Variants in TGIF1 observed in about 807,000 individuals in gnomAD.
The protein encoded by TGIF1 is TGFB induced factor homeobox 1.
Under a neutral mutation model 19.3 loss-of-function variants are expected in TGIF1, and 4 were observed. The observed-to-expected ratio is 0.21, with a 90% CI of 0.10 to 0.47. The LOEUF (loss-of-function observed/expected upper bound fraction) is 0.47, where lower values mean the gene tolerates loss of function less well. TGIF1 is among the 20% of genes least tolerant of loss of function. The pLI is 0.98. For missense variants in TGIF1, 275 were observed against 341.4 expected, an observed-to-expected ratio of 0.81 and a Z score of 1.53; for synonymous variants, 122 against 129.3, an observed-to-expected ratio of 0.94 and a Z score of 0.38.
At position 3,451,348 on chromosome 18, in the gene TGIF1, G is replaced by A. The variant is rs2082918981; in HGVS notation, c.16+843G>A. 1.0e-6 allele frequency: 1 copy of A among 985,078 alleles called. No individual in the cohort carries two copies. The highest frequency in any genetic ancestry group is 1.8e-5 in the African/African-American group (1 of 57,092). The allele number at this position is 985,078 out of a possible 1,614,324, so 61.0% of individuals were successfully genotyped here. A position where few individuals can be genotyped will look rare whatever the true frequency, so the allele number is the denominator to read the frequency against. On this transcript the variant is annotated intron_variant, in intron 1 of 2. Transcript: ENST00000343820. The surrounding 1 kb of genome is among the most constrained non-coding windows in gnomAD (Gnocchi z 5.4). ...GTTTAAAAACAAAATACACCGGAGG[G>A]GGACGGGGGGTGGAGAAACCACACA...
At chr18:3,429,807 G>A (rs2082523061) in intron 2 of TGIF1, among the ~76,000 whole-genome samples, 1 of 152,348 alleles carries the variant, frequency 6.6e-6, no homozygotes, top group South Asian at 2.1e-4. Context: ...TAACTTCTGA[G>A]AAACAATCAC....
At chr18:3,445,268 C>A (rs977792873), upstream of TGIF1, among the ~76,000 whole-genome samples, 9 of 152,062 alleles carry the variant, frequency 5.9e-5, no homozygotes, top group African/African-American at 1.9e-4. Context: ...ACATCCCGGG[C>A]AGAGGGGACT....
rs964110901 is a variant in TGIF1 at position 3,450,299 on chromosome 18, G to A, written c.-191G>A. On this transcript the variant is annotated 5_prime_UTR_variant, in exon 1 of 3. The change creates a new upstream start codon in the 5' untranslated region. Coordinates refer to ENST00000343820, the MANE Select transcript of TGIF1 (RefSeq NM_003244.4). Reference sequence around the variant, plus strand: ...AAGATCCCGGCGGGAGGAAGCCCAAGTGTCACTTGAATTCCACCCAAGGAG... The same window carrying A: ...AAGATCCCGGCGGGAGGAAGCCCAAATGTCACTTGAATTCCACCCAAGGAG... 2 of 1,445,574 alleles carry A rather than the reference G, an allele frequency of 1.4e-6. No homozygotes were observed. The highest frequency in any genetic ancestry group is 1.8e-6 in the Non-Finnish European group (2 of 1,100,502). The allele number at this position is 1,445,574 out of a possible 1,614,324, so 89.5% of individuals were successfully genotyped here.
Position 3,417,665 on chromosome 18 carries a change from A to G in TGIF1, c.-117-478A>G, listed in dbSNP as rs187867147. Among the ~76,000 whole-genome samples, 455 of 152,336 alleles carry G rather than the reference A, an allele frequency of 3.0e-3. 6 individuals are homozygous for G. The highest frequency in any genetic ancestry group is 0.011 in the African/African-American group (443 of 41,580). On this transcript the variant is annotated intron_variant, in intron 1 of 3. Transcript: ENST00000401449. ...ATTCGTGTATATATCTATCATTGAG[A>G]TCACACAAAACAAAAATAGATATTT...
rs1282195070 is a variant in TGIF1, at chr18:3,418,217, T to G, written c.-45+2T>G. On this transcript the variant is annotated splice_donor_variant, in intron 2 of 3. Coordinates refer to the TGIF1 transcript ENST00000401449. LOFTEE classifies it low-confidence loss of function (5UTR_SPLICE). ...TTCCAGCCCAAGGGAAAGTCCAAGG[T>G]AAGTAGATATTTCTTTAAGGGGGAT... is the stretch of plus-strand genomic sequence containing the variant. 1.3e-5 allele frequency: 2 copies of G among 152,072 alleles called. No individual in the cohort carries two copies. Among genetic ancestry groups the G allele is most frequent in the East Asian group, 3.9e-4 (2 of 5,188 alleles). The allele number at this position is 152,072 out of a possible 1,614,324, so 9.4% of individuals were successfully genotyped here. A position where few individuals can be genotyped will look rare whatever the true frequency, so the allele number is the denominator to read the frequency against.
chr18:3,439,829 T>C (rs2082660355), intron 2 of TGIF1, among the ~76,000 whole-genome samples: 2 of 151,732 alleles, frequency 1.3e-5, no homozygotes, highest in Non-Finnish European at 2.9e-5. Context: ...AAGACCAGAC[T>C]GGGCAACGTA....
chr18:3,458,675 C>T lies in TGIF1; in HGVS notation c.*735C>T, dbSNP rs533026179. ...TGAATCATTTTAGTGTTTAGCTAGC[C>T]ACTAAATCCCTTGCTGATCTGTCCT... On this transcript the variant is annotated 3_prime_UTR_variant, in exon 3 of 3. Transcript: ENST00000343820. 1 of 152,806 alleles carries T rather than the reference C, an allele frequency of 6.5e-6. No individual in the cohort carries two copies. Among genetic ancestry groups the T allele is most frequent in the South Asian group, 2.1e-4 (1 of 4,872 alleles). 9.5% of individuals were successfully genotyped at this position (152,806 alleles called of 1,614,324 possible).
At chr18:3,452,486 C>T (rs2083003413) in intron 1 of TGIF1, 1 of 1,546,924 alleles carries the variant, frequency 6.5e-7, no homozygotes, top group Non-Finnish European at 8.8e-7. Flanking sequence ...GTTTCCCTGG[C>T]GAGTCGTCTG....
chr18:3,430,621 C>T (rs566353664), intron 2 of TGIF1, among the ~76,000 whole-genome samples: 4 of 151,950 alleles, frequency 2.6e-5, no homozygotes, highest in African/African-American at 2.4e-5. Context: ...CCTCCCACCT[C>T]AGCCTCCTGA....
In TGIF1 at chr18:3,452,025, C is replaced by T. The variant is rs145465582; in HGVS notation, c.16+1520C>T. 2.7e-5 allele frequency: 43 copies of T among 1,610,874 alleles called. No homozygotes were observed. The African/African-American group carries it at 4.9e-4, about 18-fold the overall frequency. On this transcript the variant is annotated intron_variant, in intron 1 of 2. Coordinates refer to ENST00000343820, the MANE Select transcript of TGIF1 (RefSeq NM_003244.4). ...GGTGTCTGCCGGGGTGGGCTCCCCG[C>T]ATTGTTCGGGCTCCGGCGGGGGCGG...
upstream of TGIF1, among the ~76,000 whole-genome samples, chr18:3,449,169 T>C (rs868652428): frequency 1.3e-4 from 20 of 152,296 alleles, no homozygotes; most frequent in Non-Finnish European, 2.2e-4. Context: ...TGGACCAAAA[T>C]AAGCCAACAG....
rs2082943337 is a variant in TGIF1 at position 3,451,722 on chromosome 18, C to T, written c.16+1217C>T. 12 of 1,240,410 alleles carry T rather than the reference C, an allele frequency of 9.7e-6. No individual in the cohort carries two copies. Among genetic ancestry groups the T allele is most frequent in the Non-Finnish European group, 1.2e-5 (12 of 992,614 alleles). The allele number at this position is 1,240,410 out of a possible 1,614,324, so 76.8% of individuals were successfully genotyped here. ...GAGCTTCCCTCTGCCTCCAGGCTTT[C>T]CCAGCGAGAGTGAAATTAAACTTGA... On this transcript the variant is annotated intron_variant, in intron 1 of 2. Transcript: ENST00000343820. This position sits in a 1 kb window ranked among gnomAD's most constrained non-coding sequence, Gnocchi z 5.4.
intron 2 of TGIF1, among the ~76,000 whole-genome samples, chr18:3,422,191 A>C (rs61591915): frequency 0.058 from 424 of 7,344 alleles, 2 homozygotes; most frequent in African/African-American, 0.31. Flanking sequence ...GAGACACCGT[A>C]AAAAAAAAAA....
upstream of TGIF1, among the ~76,000 whole-genome samples, chr18:3,447,000 A>C (rs1442286606): frequency 6.6e-6 from 1 of 152,212 alleles, no homozygotes; most frequent in Non-Finnish European, 1.5e-5. Context: ...TGGCATCAAA[A>C]AATAATCATA....
At position 3,438,163 on chromosome 18, in the gene TGIF1, T is replaced by C. The variant is rs183423567; in HGVS notation, c.-44-18191T>C. On this transcript the variant is annotated intron_variant, in intron 2 of 3. Transcript: ENST00000401449. ...TTGTATTTTTTTTCCATAAAGAAGCTGATAGAATCAATATATCATTTTATT... is the reference window on the plus strand; with the variant it reads ...TTGTATTTTTTTTCCATAAAGAAGCCGATAGAATCAATATATCATTTTATT... Among the ~76,000 whole-genome samples the C allele has an allele frequency of 4.5e-3, 681 of 152,290 alleles. 2 individuals are homozygous for C. The highest frequency in any genetic ancestry group is 0.015 in the African/African-American group (635 of 41,566).
At chr18:3,444,768 A>T (rs1027849070) in intron 2 of TGIF1, among the ~76,000 whole-genome samples, 1 of 152,214 alleles carries the variant, frequency 6.6e-6, no homozygotes, top group Non-Finnish European at 1.5e-5. Context: ...AAACAAATTT[A>T]AAAAAAGATT....
intron 1 of TGIF1, among the ~76,000 whole-genome samples, chr18:3,416,248 A>C (rs545616329): frequency 6.6e-6 from 1 of 152,356 alleles, no homozygotes; most frequent in Non-Finnish European, 1.5e-5. Context: ...AGCTGGGCAC[A>C]GTGGCTCATG....
chr18:3,415,752 G>A (rs891910732), intron 1 of TGIF1, among the ~76,000 whole-genome samples: 3 of 152,182 alleles, frequency 2.0e-5, no homozygotes, highest in Non-Finnish European at 2.9e-5. Flanking sequence ...GGCAAGTTTG[G>A]CAGTGGGGAT....
At chr18:3,454,577 T>C (rs2083104673) in intron 1 of TGIF1, among the ~76,000 whole-genome samples, 2 of 152,218 alleles carry the variant, frequency 1.3e-5, no homozygotes, top group Non-Finnish European at 1.5e-5. Context: ...AGCTATTTTA[T>C]TAATAGTTCT....
Sources: gnomAD v4.1 joint callset for allele counts (sites outside exome capture counted in the v4.1 genomes callset) on GRCh38, gnomAD v4.1.1 for gene constraint, Gnocchi (gnomAD v3.1) non-coding constraint, MANE v1.5 for transcripts, NCBI Gene and HGNC (gene_info 2026-07-23, HGNC 2026-07-21) for gene names.